NRXN3: variants seen among roughly 807,000 people sequenced by gnomAD.
NRXN3 encodes the protein neurexin III.
A neutral mutation model predicts 137.6 loss-of-function variants in NRXN3; 32 were observed. The observed-to-expected ratio is 0.23, with a 90% CI of 0.18 to 0.31. The LOEUF (loss-of-function observed/expected upper bound fraction) is 0.31, where lower values mean the gene tolerates loss of function less well. NRXN3 is among the 10% of genes least tolerant of loss of function. The pLI is 1.00. For missense variants in NRXN3, 1,574 were observed against 2,062.5 expected (o/e 0.76, Z 4.59); for synonymous variants, 798 against 784.5 (o/e 1.02, Z -0.29).
intron 4 of NRXN3, among the ~76,000 whole-genome samples, chr14:78,629,342 A>T (rs368742131): frequency 2.0e-4 from 31 of 152,320 alleles, no homozygotes; most frequent in African/African-American, 7.2e-4. Context: ...GTAGTGGTAC[A>T]TCATTACTCT....
At chr14:79,298,400 G>A (rs2084560312) in intron 15 of NRXN3, among the ~76,000 whole-genome samples, 1 of 151,996 alleles carries the variant, frequency 6.6e-6, no homozygotes, top group African/African-American at 2.4e-5. Context: ...GCCAAGTGTG[G>A]CTCCATGGCT....
At chr14:78,452,335 G>A (rs1240511065) in intron 4 of NRXN3, among the ~76,000 whole-genome samples, 1 of 152,110 alleles carries the variant, frequency 6.6e-6, no homozygotes, top group Non-Finnish European at 1.5e-5. Context: ...AAGGCTGTTT[G>A]GGGCATTAAG....
intron 2 of NRXN3, among the ~76,000 whole-genome samples, chr14:78,277,351 G>T (rs762701757): frequency 1.3e-5 from 2 of 152,156 alleles, no homozygotes; most frequent in African/African-American, 2.4e-5. Flanking sequence ...GCTTCCCCAT[G>T]GCTTCAGCAT....
At chr14:79,126,421 G>A (rs994354010) in intron 15 of NRXN3, among the ~76,000 whole-genome samples, 6 of 150,116 alleles carry the variant, frequency 4.0e-5, no homozygotes, top group African/African-American at 9.8e-5. Context: ...GAGAATATGC[G>A]GTGTTTGGTT....
intron 10 of NRXN3, among the ~76,000 whole-genome samples, chr14:78,944,777 G>A (rs545959951): frequency 5.9e-5 from 9 of 152,258 alleles, no homozygotes; most frequent in African/African-American, 2.2e-4. Context: ...TTCGTTGAAA[G>A]CTACTAAGTT....
chr14:79,759,724 T>C (rs2099031931), intron 19 of NRXN3, among the ~76,000 whole-genome samples: 2 of 151,744 alleles, frequency 1.3e-5, no homozygotes, highest in Non-Finnish European at 2.9e-5. Context: ...AATAAAGTTA[T>C]CATAAGAATA....
In NRXN3 at chr14:78,249,046, G is replaced by A. The variant is rs188732150; in HGVS notation, c.709+5244G>A. 6.6e-3 allele frequency among the ~76,000 whole-genome samples: 1,006 copies of A among 152,338 alleles called. 34 individuals carry two copies. Among genetic ancestry groups the A allele is most frequent in the Admixed American group, 0.058 (895 of 15,310 alleles). On this transcript the variant is annotated intron_variant, in intron 2 of 20. Coordinates refer to ENST00000335750, the MANE Select transcript of NRXN3 (RefSeq NM_001330195.2). Reference sequence around the variant, plus strand: ...ATGCTAAATGGCAGAGCAGCCGCCTGCCACTTGCTTCAATTATCCCTCTTT... The same window carrying A: ...ATGCTAAATGGCAGAGCAGCCGCCTACCACTTGCTTCAATTATCCCTCTTT...
chr14:78,824,241 C>T (rs1191054997), intron 10 of NRXN3, among the ~76,000 whole-genome samples: 3 of 151,472 alleles, frequency 2.0e-5, no homozygotes, highest in Admixed American at 6.6e-5. Flanking sequence ...CCCATCATGG[C>T]TGGAAACTTA....
At chr14:78,294,281 G>A (rs1030190475) in intron 3 of NRXN3, among the ~76,000 whole-genome samples, 9 of 152,142 alleles carry the variant, frequency 5.9e-5, no homozygotes, top group African/African-American at 1.7e-4. Flanking sequence ...CAGGCTGGGC[G>A]TGGTGGCTTA....
intron 15 of NRXN3, among the ~76,000 whole-genome samples, chr14:79,172,974 T>G (rs1174404402): frequency 6.6e-6 from 1 of 152,196 alleles, no homozygotes; most frequent in Admixed American, 6.5e-5. Context: ...AGTGGAGAGA[T>G]GGAAAGTGTT....
At chr14:78,257,588 G>A (rs547374556) in intron 2 of NRXN3, among the ~76,000 whole-genome samples, 4 of 152,326 alleles carry the variant, frequency 2.6e-5, no homozygotes, top group African/African-American at 9.6e-5. Flanking sequence ...AGACTGGGAG[G>A]AAAGGACATC....
Position 78,599,764 on chromosome 14 carries a change from A to G in NRXN3, c.758-45356A>G, listed in dbSNP as rs916677264. On this transcript the variant is annotated intron_variant, in intron 4 of 20. Transcript: ENST00000335750. ...AAGCCCTCATGAGCCAAAGTGCCAG[A>G]GATACTTGTGGTGTTCTAAAGTATT... Among the ~76,000 whole-genome samples the G allele has an allele frequency of 3.3e-5, 5 of 152,204 alleles. No homozygotes were observed. The East Asian group carries it at 7.7e-4, about 23-fold the overall frequency.
intron 8 of NRXN3, among the ~76,000 whole-genome samples, chr14:78,765,395 C>T (rs149541600): frequency 0.016 from 2,500 of 152,222 alleles, 36 homozygotes; most frequent in Non-Finnish European, 0.022. Context: ...TCAGGTGATC[C>T]GCCTGCCTCG....
chr14:78,852,838 A>G (rs1415025912), intron 10 of NRXN3, among the ~76,000 whole-genome samples: 2 of 151,750 alleles, frequency 1.3e-5, no homozygotes, highest in Non-Finnish European at 2.9e-5. Context: ...GGAATCATGT[A>G]TATAGTGTGT....
chr14:78,601,546 G>C (rs916235805), intron 4 of NRXN3, among the ~76,000 whole-genome samples: 11 of 151,624 alleles, frequency 7.3e-5, no homozygotes, highest in African/African-American at 2.7e-4. Flanking sequence ...TCCGTCTCCT[G>C]GGTTCACGCC....
At chr14:78,310,054 A>G (rs1278831159) in intron 4 of NRXN3, among the ~76,000 whole-genome samples, 1 of 152,080 alleles carries the variant, frequency 6.6e-6, no homozygotes, top group East Asian at 1.9e-4. Flanking sequence ...TGAGTACTTA[A>G]ACAGATATCC....
intron 10 of NRXN3, among the ~76,000 whole-genome samples, chr14:78,939,760 G>C (rs1259179228): frequency 6.6e-6 from 1 of 152,178 alleles, no homozygotes; most frequent in Non-Finnish European, 1.5e-5. Flanking sequence ...AAATATTTAA[G>C]GTTTACTCTG....
At chr14:79,303,950 G>C (rs1026751215) in intron 15 of NRXN3, among the ~76,000 whole-genome samples, 1 of 152,030 alleles carries the variant, frequency 6.6e-6, no homozygotes, top group Admixed American at 6.6e-5. Flanking sequence ...AGCAGTAGTG[G>C]CATCAGCAGC....
chr14:78,424,154 CCTT>C (rs2153680597), intron 4 of NRXN3, among the ~76,000 whole-genome samples: 2 of 152,306 alleles, frequency 1.3e-5, no homozygotes, highest in East Asian at 3.9e-4. Flanking sequence ...GCTCTCTTCT[CCTT>C]CTACATTTTA....
Sources: gnomAD v4.1 joint callset for allele counts (sites outside exome capture counted in the v4.1 genomes callset) on GRCh38, gnomAD v4.1.1 for gene constraint, MANE v1.5 for transcripts, NCBI Gene and HGNC (gene_info 2026-07-23, HGNC 2026-07-21) for gene names.